MAF: variants seen among roughly 807,000 people sequenced by gnomAD.
MAF encodes the protein MAF bZIP transcription factor, also known as transcription factor Maf.
Under a neutral mutation model 22.0 loss-of-function variants are expected in MAF, and 10 were observed. That is an observed-to-expected ratio of 0.45 (90% CI 0.28 to 0.77). MAF has a LOEUF of 0.77. Ranked by LOEUF, MAF falls within the 30% of genes least tolerant of loss-of-function variation. The pLI is 0.12. For synonymous variants in MAF, 337 were observed against 255.8 expected (o/e 1.32, Z -3.03); for missense variants, 544 against 548.4 (o/e 0.99, Z 0.08).
chr16:79,406,562 A>G, the MAF span, among the ~76,000 whole-genome samples: 4 of 152,172 alleles, frequency 2.6e-5, no homozygotes, highest in African/African-American at 9.7e-5. Flanking sequence ...AGAAAGCCAC[A>G]GATCCCAAAC....
At chr16:79,278,141 T>A in the MAF span, among the ~76,000 whole-genome samples, 4 of 152,324 alleles carry the variant, frequency 2.6e-5, no homozygotes, top group Admixed American at 2.0e-4. Context: ...TAGGACTAGA[T>A]TGAGTCGTCC....
chr16:79,357,857 A>T, the MAF span, among the ~76,000 whole-genome samples: 2 of 152,210 alleles, frequency 1.3e-5, no homozygotes, highest in African/African-American at 4.8e-5. Flanking sequence ...AGAAGCATAG[A>T]TGTATCCCCC....
the MAF span, among the ~76,000 whole-genome samples, chr16:79,526,045 T>C: frequency 2.6e-5 from 4 of 152,174 alleles, no homozygotes; most frequent in African/African-American, 9.7e-5. Context: ...AAGAATAAGG[T>C]GAAATGATAT....
chr16:79,368,396 A>G, the MAF span, among the ~76,000 whole-genome samples: 2 of 152,148 alleles, frequency 1.3e-5, no homozygotes, highest in African/African-American at 2.4e-5. Context: ...GGCCTTTTCT[A>G]GAGCTCATGT....
the MAF span, among the ~76,000 whole-genome samples, chr16:79,226,775 A>ATAGTTT: frequency 6.6e-6 from 1 of 152,110 alleles, no homozygotes. Context: ...GTATGCTCTA[A>ATAGTTT]TAGTTTTTAA....
the MAF span, among the ~76,000 whole-genome samples, chr16:79,425,536 G>A: frequency 2.0e-5 from 3 of 152,244 alleles, no homozygotes; most frequent in Non-Finnish European, 2.9e-5. Context: ...TTTCTCACTC[G>A]AGTTTAAAAC....
the MAF span, among the ~76,000 whole-genome samples, chr16:79,319,904 G>C: frequency 3.5e-4 from 53 of 152,320 alleles, no homozygotes; most frequent in African/African-American, 1.3e-3. Flanking sequence ...AGGATGGTTG[G>C]AGATGGGCTT....
At chr16:79,398,700 A>C in the MAF span, among the ~76,000 whole-genome samples, 2 of 150,958 alleles carry the variant, frequency 1.3e-5, no homozygotes. Context: ...CTTGGACTTG[A>C]CCTCCCCATC....
chr16:79,436,251 T>C, the MAF span, among the ~76,000 whole-genome samples: 1 of 151,982 alleles, frequency 6.6e-6, no homozygotes, highest in Non-Finnish European at 1.5e-5. Context: ...CCCAGCTAAG[T>C]TTTGTATTTT....
chr16:79,473,577 C>T, the MAF span, among the ~76,000 whole-genome samples: 17,281 of 152,218 alleles, frequency 0.11, 986 homozygotes, highest in East Asian at 0.16. Flanking sequence ...CTCCTACCCA[C>T]TGCACGATTC....
At chr16:79,441,912 T>C in the MAF span, among the ~76,000 whole-genome samples, 2 of 152,088 alleles carry the variant, frequency 1.3e-5, no homozygotes, top group African/African-American at 2.4e-5. Flanking sequence ...AGGATCTTTG[T>C]AAGGGAAAGG....
chr16:79,275,336 A>G, the MAF span, among the ~76,000 whole-genome samples: 11 of 152,342 alleles, frequency 7.2e-5, no homozygotes, highest in Admixed American at 5.2e-4. Context: ...ACAGAGCAAG[A>G]ATCCATCTCC....
At chr16:79,551,528 C>G in the MAF span, among the ~76,000 whole-genome samples, 1 of 152,174 alleles carries the variant, frequency 6.6e-6, no homozygotes, top group Non-Finnish European at 1.5e-5. Flanking sequence ...CTTTCTGTCT[C>G]CAGGACCTTT....
the MAF span, among the ~76,000 whole-genome samples, chr16:79,345,724 C>G: frequency 2.2e-4 from 7 of 31,222 alleles, no homozygotes; most frequent in African/African-American, 7.4e-4. Flanking sequence ...AAGACTCCGT[C>G]TCAAAAAAAA....
chr16:79,401,684 AT>A, the MAF span, among the ~76,000 whole-genome samples: 1 of 152,190 alleles, frequency 6.6e-6, no homozygotes, highest in African/African-American at 2.4e-5. Flanking sequence ...GATAATAATA[AT>A]AATCAATGAA....
chr16:79,507,148 C>G, the MAF span, among the ~76,000 whole-genome samples: 10 of 134,814 alleles, frequency 7.4e-5, 1 homozygote, highest in Admixed American at 8.0e-4. Flanking sequence ...GAGTTTTACT[C>G]TCTCGCCCAG....
At chr16:79,442,280 T>A in the MAF span, among the ~76,000 whole-genome samples, 1 of 152,186 alleles carries the variant, frequency 6.6e-6, no homozygotes, top group African/African-American at 2.4e-5. Context: ...CTTGAAATAA[T>A]TGGGGAAGCA....
the MAF span, among the ~76,000 whole-genome samples, chr16:79,431,142 G>T: frequency 6.6e-6 from 1 of 152,128 alleles, no homozygotes; most frequent in Non-Finnish European, 1.5e-5. Flanking sequence ...TTCATGTGCA[G>T]GCTGGATTTC....
chr16:79,491,899 C>A, the MAF span, among the ~76,000 whole-genome samples: 1 of 152,162 alleles, frequency 6.6e-6, no homozygotes, highest in East Asian at 1.9e-4. Context: ...GTGAGTGCAG[C>A]CCCTCTGCCC....
Sources: gnomAD v4.1 joint callset for allele counts (sites outside exome capture counted in the v4.1 genomes callset) on GRCh38, gnomAD v4.1.1 for gene constraint, MANE v1.5 for transcripts, NCBI Gene and HGNC (gene_info 2026-07-23, HGNC 2026-07-21) for gene names.